The following CAMTA1 variants were observed in gnomAD, a reference collection of about 807,000 sequenced individuals.
CAMTA1 encodes the protein calmodulin-binding transcription activator 1.
CAMTA1 carries 27 observed loss-of-function variants against 170.9 expected under a neutral mutation model. The observed-to-expected ratio is 0.16, with a 90% CI of 0.12 to 0.22. The LOEUF (loss-of-function observed/expected upper bound fraction) is 0.22, where lower values mean the gene tolerates loss of function less well. Ranked by LOEUF, CAMTA1 falls within the 10% of genes least tolerant of loss-of-function variation. The pLI is 1.00. For missense variants in CAMTA1, 1,619 were observed against 2,217.2 expected (o/e 0.73, Z 5.42); for synonymous variants, 833 against 891.5 (o/e 0.93, Z 1.17).
At chr1:7,053,309 C>T (rs1000333188) in intron 3 of CAMTA1, among the ~76,000 whole-genome samples, 1 of 152,218 alleles carries the variant, frequency 6.6e-6, no homozygotes, top group South Asian at 2.1e-4. Context: ...TCTAGTTTTT[C>T]CTTCACAGCA....
intron 3 of CAMTA1, among the ~76,000 whole-genome samples, chr1:6,890,208 A>G (rs1008941043): frequency 2.0e-5 from 3 of 151,974 alleles, no homozygotes; most frequent in African/African-American, 7.3e-5. Flanking sequence ...TCAGTTTCCT[A>G]CTCCATTAAG....
chr1:7,553,655 C>T (rs888906504), intron 6 of CAMTA1, among the ~76,000 whole-genome samples: 2 of 152,234 alleles, frequency 1.3e-5, no homozygotes, highest in African/African-American at 4.8e-5. Flanking sequence ...CTGAGAGAAA[C>T]TTCCCTGGTT....
intron 5 of CAMTA1, among the ~76,000 whole-genome samples, chr1:7,294,508 C>T (rs1272755242): frequency 1.3e-5 from 2 of 152,198 alleles, no homozygotes; most frequent in Non-Finnish European, 2.9e-5. Flanking sequence ...ATCCTGCTTG[C>T]TCATATTCCT....
chr1:7,646,299 G>A (rs990563159), intron 7 of CAMTA1, among the ~76,000 whole-genome samples: 8 of 150,184 alleles, frequency 5.3e-5, no homozygotes, highest in Admixed American at 3.3e-4. Context: ...GCCACGGTGA[G>A]TTGGGTGGAG....
intron 5 of CAMTA1, among the ~76,000 whole-genome samples, chr1:7,430,839 T>C (rs2092124933): frequency 6.6e-6 from 1 of 152,242 alleles, no homozygotes; most frequent in Non-Finnish European, 1.5e-5. Context: ...GCCATCTGTT[T>C]CCTATTAGAG....
chr1:7,215,486 C>T (rs1385617859), intron 4 of CAMTA1, among the ~76,000 whole-genome samples: 1 of 152,210 alleles, frequency 6.6e-6, no homozygotes, highest in Admixed American at 6.5e-5. Flanking sequence ...CTCCGCCTTC[C>T]AGGTTCAAGC....
At chr1:7,473,237 C>G (rs2093364008) in intron 6 of CAMTA1, among the ~76,000 whole-genome samples, 1 of 152,188 alleles carries the variant, frequency 6.6e-6, no homozygotes, top group African/African-American at 2.4e-5. Context: ...CACTCCTGCC[C>G]CAGGCCATCT....
intron 4 of CAMTA1, among the ~76,000 whole-genome samples, chr1:7,228,908 T>C (rs916351795): frequency 2.0e-5 from 3 of 151,612 alleles, no homozygotes; most frequent in South Asian, 4.2e-4. Flanking sequence ...TGGAGGGGGA[T>C]GGGTTTGGGT....
rs968965662 is a variant in CAMTA1 at position 7,665,687 on chromosome 1, T to G, written c.2652+488T>G. 2.6e-5 allele frequency among the ~76,000 whole-genome samples: 4 copies of G among 151,110 alleles called. No individual in the cohort carries two copies. Among genetic ancestry groups the G allele is most frequent in the African/African-American group, 7.3e-5 (3 of 41,092 alleles). On this transcript the variant is annotated intron_variant, in intron 9 of 22. Transcript: ENST00000303635. The surrounding 1 kb of genome is among the most constrained non-coding windows in gnomAD (Gnocchi z 4.3). Reference sequence around the variant, plus strand: ...CTGTGGTTGTACCACTGCACTCCAGTCCGGATGACAGAGTGAAACCCTGTC... The same window carrying G: ...CTGTGGTTGTACCACTGCACTCCAGGCCGGATGACAGAGTGAAACCCTGTC...
At chr1:7,418,813 C>T (rs970671198) in intron 5 of CAMTA1, among the ~76,000 whole-genome samples, 1 of 152,210 alleles carries the variant, frequency 6.6e-6, no homozygotes, top group Non-Finnish European at 1.5e-5. Flanking sequence ...GCTCTCCTGC[C>T]CACCTCCACC....
chr1:7,183,564 G>A (rs953567131), intron 4 of CAMTA1, among the ~76,000 whole-genome samples: 2 of 152,208 alleles, frequency 1.3e-5, no homozygotes, highest in Non-Finnish European at 2.9e-5. Context: ...CAACCTGAAT[G>A]TCCAAACACA....
At chr1:7,178,943 A>G (rs1311923598) in intron 4 of CAMTA1, among the ~76,000 whole-genome samples, 1 of 152,246 alleles carries the variant, frequency 6.6e-6, no homozygotes, top group Non-Finnish European at 1.5e-5. Context: ...GTGGCCGTGG[A>G]GGAGCTGTCC....
At chr1:6,949,735 A>T (rs1438041691) in intron 3 of CAMTA1, among the ~76,000 whole-genome samples, 1 of 152,220 alleles carries the variant, frequency 6.6e-6, no homozygotes, top group Admixed American at 6.5e-5. Context: ...GAGCTAACCT[A>T]GTCCAACAAG....
At chr1:6,993,807 C>A (rs577960110) in intron 3 of CAMTA1, among the ~76,000 whole-genome samples, 95 of 152,106 alleles carry the variant, frequency 6.2e-4, no homozygotes, top group Non-Finnish European at 1.2e-3. Context: ...CTGACAATCT[C>A]TGTTTTTAAA....
chr1:7,163,754 C>T (rs542943220), intron 4 of CAMTA1, among the ~76,000 whole-genome samples: 14 of 152,174 alleles, frequency 9.2e-5, no homozygotes, highest in East Asian at 5.8e-4. Flanking sequence ...TGATCCTCTG[C>T]GGGACCCAAA....
At position 7,712,177 on chromosome 1, in the gene CAMTA1, T is replaced by C. The variant is rs574056895; in HGVS notation, c.2915-20271T>C. 9.2e-5 allele frequency among the ~76,000 whole-genome samples: 14 copies of C among 152,358 alleles called. No homozygotes were observed. In the Middle Eastern group the frequency reaches 0.014, roughly 148 times the overall value. On this transcript the variant is annotated intron_variant, in intron 11 of 22. Coordinates refer to ENST00000303635, the MANE Select transcript of CAMTA1 (RefSeq NM_015215.4). ...TAACTTTGGTAAATGGAAACAGTTT[T>C]GGTGAAGATTCTTAATTCACAGGGT...
intron 5 of CAMTA1, among the ~76,000 whole-genome samples, chr1:7,429,461 T>C (rs1317846576): frequency 6.6e-6 from 1 of 152,064 alleles, no homozygotes; most frequent in African/African-American, 2.4e-5. Context: ...GTGATGGTGA[T>C]GATGACAGTG....
chr1:7,410,408 C>T (rs2090631633), intron 5 of CAMTA1, among the ~76,000 whole-genome samples: 1 of 152,230 alleles, frequency 6.6e-6, no homozygotes, highest in South Asian at 2.1e-4. Flanking sequence ...GCCCCTCCCG[C>T]CTGTCGTCAG....
At chr1:7,364,577 C>T (rs371859161) in intron 5 of CAMTA1, among the ~76,000 whole-genome samples, 2 of 152,022 alleles carry the variant, frequency 1.3e-5, no homozygotes, top group Non-Finnish European at 2.9e-5. Flanking sequence ...GCATGGTGGT[C>T]ATTACAGCTT....
Sources: allele counts gnomAD v4.1 joint callset (sites outside exome capture counted in the v4.1 genomes callset), GRCh38; gene constraint gnomAD v4.1.1; non-coding constraint Gnocchi (gnomAD v3.1); transcripts MANE v1.5; gene names NCBI Gene and HGNC (gene_info 2026-07-23, HGNC 2026-07-21).